RABGAP1: variants seen among roughly 807,000 people sequenced by gnomAD.
RABGAP1 encodes RAB GTPase activating protein 1, also known as rab GTPase-activating protein 1.
Under a neutral mutation model 137.6 loss-of-function variants are expected in RABGAP1, and 23 were observed. The ratio of observed to expected loss-of-function variants is 0.17; its 90% CI spans 0.12 to 0.24. RABGAP1 has a LOEUF of 0.24. Among genes scored for constraint, RABGAP1 ranks in the 10% least tolerant of loss-of-function variants. RABGAP1 has a pLI of 1.00. For synonymous variants in RABGAP1, 451 were observed against 450.7 expected (o/e 1.00, Z -0.01); for missense variants, 906 against 1,275.8 (o/e 0.71, Z 4.42).
intron 13 of RABGAP1, among the ~76,000 whole-genome samples, chr9:123,053,762 T>C (rs1457295067): frequency 6.6e-6 from 1 of 152,234 alleles, no homozygotes; most frequent in Non-Finnish European, 1.5e-5. Context: ...GGCAGCAAGC[T>C]ACTCTGGAAA....
chr9:123,036,818 T>G (rs1015464600), intron 13 of RABGAP1, among the ~76,000 whole-genome samples: 7 of 147,382 alleles, frequency 4.7e-5, no homozygotes, highest in African/African-American at 1.8e-4. Context: ...TTAATGGTCT[T>G]TTTTTTTTTT....
intron 2 of RABGAP1, among the ~76,000 whole-genome samples, chr9:122,979,151 G>C (rs1305829921): frequency 6.6e-6 from 1 of 152,102 alleles, no homozygotes; most frequent in Non-Finnish European, 1.5e-5. Flanking sequence ...ACCTGCCTCA[G>C]CCTCCTAAAT....
chr9:123,077,467 T>G (rs564292940), intron 19 of RABGAP1, among the ~76,000 whole-genome samples: 27 of 152,288 alleles, frequency 1.8e-4, no homozygotes, highest in Admixed American at 1.8e-3. Flanking sequence ...TTTCAACATT[T>G]GTTCTGGTCA....
At chr9:122,954,324 A>T (rs1834401895) in intron 1 of RABGAP1, among the ~76,000 whole-genome samples, 1 of 152,222 alleles carries the variant, frequency 6.6e-6, no homozygotes, top group Admixed American at 6.5e-5. Context: ...AGGCCAGAGA[A>T]AAGGAATCTT....
Position 123,010,508 on chromosome 9 carries a change from CAGAAGATGATGA to C in RABGAP1, c.1533_1544del (p.Asp512_Glu515del). On this transcript the variant is annotated inframe_deletion, in exon 11 of 26. Transcript: ENST00000373647. ...CAAAGTTCAGTGATACCTTCTCCTC[CAGAAGATGATGA>C]AGAGGAAGGTAAACTGTAGGGATAG... The C allele has an allele frequency of 6.2e-7, 1 of 1,613,528 alleles. No individual in the cohort carries two copies. Among genetic ancestry groups the C allele is most frequent in the Non-Finnish European group, 8.5e-7 (1 of 1,179,636 alleles).
chr9:122,970,942 CAA>C (rs1835434854), intron 2 of RABGAP1, among the ~76,000 whole-genome samples: 1 of 152,114 alleles, frequency 6.6e-6, no homozygotes, highest in Non-Finnish European at 1.5e-5. Context: ...GGAACAAAAA[CAA>C]AGAGGGTACT....
chr9:122,943,934 CAG>C (rs564189778), intron 1 of RABGAP1, among the ~76,000 whole-genome samples: 47 of 151,934 alleles, frequency 3.1e-4, no homozygotes, highest in African/African-American at 1.0e-3. Flanking sequence ...GCCTGGGCGA[CAG>C]AGTGAGACTC....
At chr9:122,966,094 C>T (rs1279532620) in intron 2 of RABGAP1, among the ~76,000 whole-genome samples, 2 of 152,096 alleles carry the variant, frequency 1.3e-5, no homozygotes, top group African/African-American at 4.8e-5. Flanking sequence ...GTCAGGAGAA[C>T]ATATTACATT....
At chr9:123,099,576 T>G (rs1373541629) in intron 24 of RABGAP1, 27 bp downstream of exon 24, 2 of 1,554,260 alleles carry the variant, frequency 1.3e-6, no homozygotes, top group African/African-American at 2.7e-5. Flanking sequence ...CCTAAAAGAT[T>G]TTATACCACC....
chr9:122,955,808 A>G (rs1834487435), intron 1 of RABGAP1, among the ~76,000 whole-genome samples: 1 of 152,230 alleles, frequency 6.6e-6, no homozygotes, highest in African/African-American at 2.4e-5. Context: ...ATAGTCAATG[A>G]TTAAAAATCC....
At chr9:123,080,447 G>A (rs565307050) in intron 19 of RABGAP1, among the ~76,000 whole-genome samples, 50 of 152,328 alleles carry the variant, frequency 3.3e-4, no homozygotes, top group African/African-American at 1.2e-3. Context: ...CTGCCAGAAG[G>A]TGAGCTATGG....
In RABGAP1 at chr9:123,070,327, C is replaced by T. The variant is rs2034314604; in HGVS notation, c.1909-23C>T. On this transcript the variant is annotated intron_variant, in intron 14 of 25. Coordinates refer to ENST00000373647, the MANE Select transcript of RABGAP1 (RefSeq NM_012197.4). This position sits in a 1 kb window ranked among gnomAD's most constrained non-coding sequence, Gnocchi z 4.4. ...CAAGTGGCTACATTCATTTACATTT[C>T]CTCTGTGTGTTTTATTTTCCAGGCT... is the stretch of plus-strand genomic sequence containing the variant. 1.2e-6 allele frequency: 2 copies of T among 1,613,480 alleles called. No individual in the cohort carries two copies. The highest frequency in any genetic ancestry group is 1.7e-6 in the Non-Finnish European group (2 of 1,179,736).
intron 16 of RABGAP1, 104 bp downstream of exon 16, chr9:123,073,781 C>T (rs2034430539): frequency 1.4e-6 from 2 of 1,443,462 alleles, no homozygotes; most frequent in Non-Finnish European, 1.9e-6. Context: ...CCTTAGCGAT[C>T]CGTGGCTAAG....
At chr9:123,010,282 TAAA>T in intron 10 of RABGAP1, 69 bp from the exon 11 acceptor site, 10 of 1,373,746 alleles carry the variant, frequency 7.3e-6, no homozygotes, top group Non-Finnish European at 9.9e-6. Context: ...TTAAAAACAT[TAAA>T]AACACTGCAA....
At chr9:123,017,223 A>G (rs1027982187) in intron 12 of RABGAP1, among the ~76,000 whole-genome samples, 10 of 152,210 alleles carry the variant, frequency 6.6e-5, no homozygotes, top group African/African-American at 2.4e-4. Context: ...ATGGTTACAT[A>G]ATATATTTAA....
At chr9:122,958,596 A>G (rs1278683105) in intron 2 of RABGAP1, among the ~76,000 whole-genome samples, 1 of 152,126 alleles carries the variant, frequency 6.6e-6, no homozygotes, top group South Asian at 2.1e-4. Flanking sequence ...AATGTAAACG[A>G]CAAGTTAATG....
intron 9 of RABGAP1, 23 bp downstream of exon 9, chr9:122,997,384 T>G (rs773194780): frequency 2.6e-6 from 4 of 1,531,048 alleles, no homozygotes; most frequent in African/African-American, 1.4e-5. Context: ...GTTGACATCA[T>G]GAACAGAAAT....
chr9:123,076,180 G>A, intron 17 of RABGAP1, 65 bp from the exon 18 acceptor site: 5 of 1,515,096 alleles, frequency 3.3e-6, no homozygotes, highest in Non-Finnish European at 4.5e-6. Context: ...TGGGGTATAA[G>A]GACAAATAGC....
intron 2 of RABGAP1, among the ~76,000 whole-genome samples, chr9:122,976,917 G>A (rs913205688): frequency 1.3e-5 from 2 of 152,272 alleles, no homozygotes; most frequent in Middle Eastern, 3.4e-3. Context: ...CAGGAGGAGA[G>A]GATGACTTTC....
Sources: gnomAD v4.1 joint callset for allele counts (sites outside exome capture counted in the v4.1 genomes callset) on GRCh38, gnomAD v4.1.1 for gene constraint, Gnocchi (gnomAD v3.1) non-coding constraint, MANE v1.5 for transcripts, NCBI Gene and HGNC (gene_info 2026-07-23, HGNC 2026-07-21) for gene names.